CD2AP: variants seen among roughly 807,000 people sequenced by gnomAD.
The protein encoded by CD2AP is CD2 associated protein.
Under a neutral mutation model 85.1 loss-of-function variants are expected in CD2AP, and 46 were observed. The observed-to-expected ratio is 0.54, with a 90% confidence interval of 0.43 to 0.69. The LOEUF is 0.69. Among genes scored for constraint, CD2AP ranks in the 30% least tolerant of loss-of-function variants. The pLI is 0.00. For synonymous variants in CD2AP, 255 were observed against 252.9 expected (o/e 1.01, Z -0.08); for missense variants, 769 against 729.5 (o/e 1.05, Z -0.62).
At chr6:47,556,990 T>A (rs1038725989) in intron 5 of CD2AP, among the ~76,000 whole-genome samples, 1 of 152,160 alleles carries the variant, frequency 6.6e-6, no homozygotes, top group Admixed American at 6.5e-5. Flanking sequence ...GCATCTGTTG[T>A]TTCCTGACTT....
intron 1 of CD2AP, among the ~76,000 whole-genome samples, chr6:47,495,626 G>C (rs903556607): frequency 6.6e-6 from 1 of 152,122 alleles, no homozygotes; most frequent in African/African-American, 2.4e-5. Context: ...CCTGCCTCCT[G>C]TCTGTATCTT....
intron 1 of CD2AP, among the ~76,000 whole-genome samples, chr6:47,488,227 T>G (rs1453738651): frequency 6.6e-6 from 1 of 152,116 alleles, no homozygotes; most frequent in East Asian, 1.9e-4. Context: ...GTCTCCAATT[T>G]AACATGTTAA....
chr6:47,528,324 G>A (rs1177404575), intron 2 of CD2AP, among the ~76,000 whole-genome samples: 1 of 152,100 alleles, frequency 6.6e-6, no homozygotes, highest in Non-Finnish European at 1.5e-5. Flanking sequence ...ACAGGAGTGT[G>A]CCACTACGCC....
intron 17 of CD2AP, among the ~76,000 whole-genome samples, chr6:47,619,905 T>G (rs1395234027): frequency 6.6e-6 from 1 of 152,252 alleles, no homozygotes; most frequent in Non-Finnish European, 1.5e-5. Flanking sequence ...TAGCCCACTT[T>G]TTGATGCGAT....
chr6:47,563,928 GTTTAA>G (rs1211558647), intron 5 of CD2AP, among the ~76,000 whole-genome samples: 15 of 152,020 alleles, frequency 9.9e-5, no homozygotes, highest in Non-Finnish European at 1.9e-4. Context: ...AGTTCTAGTT[GTTTAA>G]TTTAGTTTCA....
At chr6:47,612,386 T>C in intron 16 of CD2AP, 87 bp from the exon 17 acceptor site, 1 of 899,508 alleles carries the variant, frequency 1.1e-6, no homozygotes, top group Non-Finnish European at 1.8e-6. Context: ...CATGAACTGG[T>C]AGGTTAGGTA....
At chr6:47,623,384 A>G (rs370701011) in intron 17 of CD2AP, among the ~76,000 whole-genome samples, 2 of 152,214 alleles carry the variant, frequency 1.3e-5, no homozygotes, top group African/African-American at 2.4e-5. Flanking sequence ...TCAAAATGTT[A>G]TAGAATTGAG....
intron 17 of CD2AP, among the ~76,000 whole-genome samples, chr6:47,617,693 A>G (rs1459315938): frequency 3.3e-5 from 5 of 152,062 alleles, no homozygotes; most frequent in African/African-American, 1.2e-4. Context: ...GATGCTTACT[A>G]TCTTCTGCTT....
In CD2AP at chr6:47,609,214, C is replaced by T; in HGVS notation, c.1724C>T (p.Thr575Ile). The T allele has an allele frequency of 6.2e-7, 1 of 1,612,736 alleles. No individual in the cohort carries two copies. The highest frequency in any genetic ancestry group is 1.1e-5 in the South Asian group (1 of 91,052). The change falls in exon 16 of 18, where the codon ACA (threonine) becomes ATA (isoleucine). Residue 575 changes from threonine (T) to isoleucine (I), a missense_variant. By Grantham distance (89) the Thr-to-Ile change is moderately conservative. Transcript: ENST00000359314. ...TTAGAAATCAAAGCTAAAGTGGAAA[C>T]AGATGATGTGAAAAAAAATTCCCTG... Reference protein sequence around the residue: ...TPLEIKAKVETDDVKKNSLDE... With the variant: ...TPLEIKAKVEIDDVKKNSLDE...
At chr6:47,521,468 C>T (rs1196259819) in intron 2 of CD2AP, among the ~76,000 whole-genome samples, 1 of 152,080 alleles carries the variant, frequency 6.6e-6, no homozygotes, top group Non-Finnish European at 1.5e-5. Context: ...AGGAGAAGTG[C>T]TTGAACCCGG....
chr6:47,602,325 C>A (rs1308246136), intron 13 of CD2AP, among the ~76,000 whole-genome samples: 1 of 151,774 alleles, frequency 6.6e-6, no homozygotes. Context: ...ACCATGCTTA[C>A]AATTTTTTTT....
Position 47,478,237 on chromosome 6 carries a change from C to G in CD2AP, c.-8C>G, listed in dbSNP as rs758123465. 6.4e-7 allele frequency: 1 copy of G among 1,571,206 alleles called. No homozygotes were observed. Among genetic ancestry groups the G allele is most frequent in the African/African-American group, 1.4e-5 (1 of 74,008 alleles). On this transcript the variant is annotated 5_prime_UTR_variant, in exon 1 of 18. Transcript: ENST00000359314. ...GGACGTCGGCTTCTCCCCGCGGGAG[C>G]CCCCAGCATGGGTAAGAGACTCGGG...
At chr6:47,560,883 A>G (rs993917197) in intron 5 of CD2AP, among the ~76,000 whole-genome samples, 6 of 152,206 alleles carry the variant, frequency 3.9e-5, no homozygotes, top group Non-Finnish European at 7.3e-5. Flanking sequence ...AGTTGTTACT[A>G]TGATGGTTAC....
chr6:47,496,721 T>C (rs187711469), intron 1 of CD2AP, among the ~76,000 whole-genome samples: 6 of 152,328 alleles, frequency 3.9e-5, no homozygotes, highest in Admixed American at 3.3e-4. Flanking sequence ...TCATTCTCCA[T>C]AGGGAAACCA....
At chr6:47,529,076 A>T (rs1228640811) in intron 2 of CD2AP, among the ~76,000 whole-genome samples, 1 of 150,170 alleles carries the variant, frequency 6.7e-6, no homozygotes, top group African/African-American at 2.5e-5. Flanking sequence ...AATTATCTAG[A>T]TTCTGCCTCT....
At chr6:47,599,213 C>T (rs1769037814) in intron 12 of CD2AP, 88 bp from the exon 13 acceptor site, 1 of 1,057,814 alleles carries the variant, frequency 9.5e-7, no homozygotes, top group African/African-American at 1.6e-5. Context: ...GGTATTAGGC[C>T]ATACAATCTT....
chr6:47,538,443 T>C (rs1365951184), intron 3 of CD2AP, among the ~76,000 whole-genome samples: 1 of 151,838 alleles, frequency 6.6e-6, no homozygotes. Flanking sequence ...GGTTTCACCA[T>C]GTTTGTTGGT....
At chr6:47,624,058 C>T in intron 17 of CD2AP, 128 bp from the exon 18 acceptor site, 1 of 755,764 alleles carries the variant, frequency 1.3e-6, no homozygotes, top group South Asian at 1.6e-5. Flanking sequence ...GCATGGGAAA[C>T]TGGATTTTAG....
intron 1 of CD2AP, among the ~76,000 whole-genome samples, chr6:47,488,091 TA>T (rs1765612356): frequency 6.6e-6 from 1 of 151,660 alleles, no homozygotes; most frequent in Non-Finnish European, 1.5e-5. Context: ...TTGAAGCTCT[TA>T]AGTCCCTTTA....
Sources: gnomAD v4.1 joint callset for allele counts (sites outside exome capture counted in the v4.1 genomes callset) on GRCh38, gnomAD v4.1.1 for gene constraint, MANE v1.5 for transcripts, NCBI Gene and HGNC (gene_info 2026-07-23, HGNC 2026-07-21) for gene names.